KATNIP: variants seen among roughly 807,000 people sequenced by gnomAD.
KATNIP encodes the protein katanin-interacting protein.
A neutral mutation model predicts 174.0 loss-of-function variants in KATNIP; 126 were observed. That is an observed-to-expected ratio of 0.72 (90% confidence interval 0.63 to 0.84). KATNIP has a LOEUF of 0.84. Among genes scored for constraint, KATNIP ranks in the 40% least tolerant of loss-of-function variants. KATNIP has a pLI of 0.00. For synonymous variants in KATNIP, 810 were observed against 835.7 expected, an observed-to-expected ratio of 0.97 and a Z score of 0.53; for missense variants, 1,958 against 2,109.7, an observed-to-expected ratio of 0.93 and a Z score of 1.41.
chr16:27,638,452 T>G (rs911071467), intron 5 of KATNIP, among the ~76,000 whole-genome samples: 11 of 152,132 alleles, frequency 7.2e-5, no homozygotes, highest in Non-Finnish European at 1.6e-4. Context: ...GTCCATGGGA[T>G]GGAGAGGAAG....
At chr16:27,764,065 C>T (rs1473343892) in intron 19 of KATNIP, among the ~76,000 whole-genome samples, 1 of 152,098 alleles carries the variant, frequency 6.6e-6, no homozygotes, top group Non-Finnish European at 1.5e-5. Flanking sequence ...CTGGCGAAGT[C>T]CATTAATTCA....
rs114821043 is a variant in KATNIP, at chr16:27,646,890, C to T, written c.409-1714C>T. ...TCCTCCAGATGTTGCTTTCCTCCCCCCAGCACCAGTCAGCTCACTCCCACC... is the reference window on the plus strand; with the variant it reads ...TCCTCCAGATGTTGCTTTCCTCCCCTCAGCACCAGTCAGCTCACTCCCACC... On this transcript the variant is annotated intron_variant, in intron 5 of 27. Coordinates refer to ENST00000261588, the MANE Select transcript of KATNIP (RefSeq NM_015202.5). 2.1e-3 allele frequency among the ~76,000 whole-genome samples: 323 copies of T among 152,334 alleles called. 1 individual carries two copies. The highest frequency in any genetic ancestry group is 7.4e-3 in the African/African-American group (308 of 41,568).
intron 7 of KATNIP, 95 bp downstream of exon 7, chr16:27,678,091 G>A: frequency 7.1e-7 from 1 of 1,403,302 alleles, no homozygotes. Flanking sequence ...GTTCCTCTTT[G>A]GGTAGAGTGT....
intron 1 of KATNIP, among the ~76,000 whole-genome samples, chr16:27,559,748 A>T (rs953805817): frequency 6.6e-6 from 1 of 151,884 alleles, no homozygotes; most frequent in Non-Finnish European, 1.5e-5. Flanking sequence ...TGGGAGGCCG[A>T]GGCAGGCGGA....
chr16:27,574,011 G>A, intron 2 of KATNIP, 55 bp downstream of exon 2: 1 of 1,513,342 alleles, frequency 6.6e-7, no homozygotes. Context: ...GAAAGGACCT[G>A]AGGGAGCAGG....
intron 14 of KATNIP, among the ~76,000 whole-genome samples, chr16:27,722,084 T>C (rs1161358254): frequency 6.6e-6 from 1 of 152,200 alleles, no homozygotes; most frequent in Non-Finnish European, 1.5e-5. Context: ...ACTTCTCAAA[T>C]GTTAACTTGC....
rs531214057 is a variant in KATNIP at position 27,618,771 on chromosome 16, C to T, written c.140+270C>T. Among the ~76,000 whole-genome samples, 22 of 152,220 alleles carry T rather than the reference C, an allele frequency of 1.4e-4. No individual in the cohort carries two copies. The South Asian group carries it at 4.4e-3, about 30-fold the overall frequency. ...CTATTCTGGGAGAAGATAAGGTTGT[C>T]AAAAAAGGCTTGGATTTGGCAGGGC... On this transcript the variant is annotated intron_variant, in intron 3 of 27. Transcript: ENST00000261588.
intron 18 of KATNIP, chr16:27,757,655 G>C: frequency 3.1e-6 from 1 of 324,924 alleles, no homozygotes; most frequent in Non-Finnish European, 4.4e-6. Flanking sequence ...AGGCAGAAGA[G>C]CCTCTCAACC....
rs1357167792 is a variant in KATNIP, at chr16:27,661,965, T to C, written c.540+13230T>C. Among the ~76,000 whole-genome samples the C allele has an allele frequency of 4.0e-4, 9 of 22,606 alleles. 1 individual carries two copies. Among genetic ancestry groups the C allele is most frequent in the African/African-American group, 1.3e-3 (7 of 5,358 alleles). 14.8% of individuals were successfully genotyped at this position (22,606 alleles called of 152,430 possible). ...ATATATATATATATATACACATACATATATATATATATATATATATACACA... is the reference window on the plus strand; with the variant it reads ...ATATATATATATATATACACATACACATATATATATATATATATATACACA... On this transcript the variant is annotated intron_variant, in intron 6 of 27. Coordinates refer to ENST00000261588, the MANE Select transcript of KATNIP (RefSeq NM_015202.5).
At chr16:27,624,909 G>A (rs1446350558) in intron 3 of KATNIP, among the ~76,000 whole-genome samples, 3 of 152,168 alleles carry the variant, frequency 2.0e-5, no homozygotes, top group Admixed American at 2.0e-4. Context: ...CCAGTGCGGG[G>A]GAAGAAGAAT....
intron 8 of KATNIP, among the ~76,000 whole-genome samples, chr16:27,691,658 A>G (rs1444596674): frequency 6.6e-6 from 1 of 152,346 alleles, no homozygotes; most frequent in Non-Finnish European, 1.5e-5. Flanking sequence ...GGATGGGAAA[A>G]GCTCTGGTAG....
At chr16:27,632,496 G>C in intron 5 of KATNIP, 1 of 412,076 alleles carries the variant, frequency 2.4e-6, no homozygotes, top group South Asian at 1.6e-5. Flanking sequence ...GGCGGCATTA[G>C]CAGGATCTGA....
intron 15 of KATNIP, among the ~76,000 whole-genome samples, chr16:27,744,259 C>T (rs367882732): frequency 1.3e-5 from 2 of 152,112 alleles, no homozygotes; most frequent in East Asian, 3.9e-4. Context: ...GGTGCACTGT[C>T]TCACACCTGT....
intron 6 of KATNIP, among the ~76,000 whole-genome samples, chr16:27,672,193 G>C (rs367578208): frequency 6.6e-6 from 1 of 152,140 alleles, no homozygotes; most frequent in Admixed American, 6.6e-5. Context: ...CCTGTCCCCC[G>C]TGACTGCTGC....
intron 8 of KATNIP, among the ~76,000 whole-genome samples, chr16:27,690,315 C>CACATAGATAGAT (rs1555473958): frequency 4.7e-5 from 6 of 128,658 alleles, no homozygotes; most frequent in Non-Finnish European, 9.9e-5. Context: ...GACCCCATCT[C>CACATAGATAGAT]AGATAGATAG....
chr16:27,552,657 G>A (rs2089435219), intron 1 of KATNIP, among the ~76,000 whole-genome samples: 1 of 147,328 alleles, frequency 6.8e-6, no homozygotes, highest in Admixed American at 6.8e-5. Flanking sequence ...TTACAGACGT[G>A]AGCCACCATG....
intron 5 of KATNIP, chr16:27,644,623 G>C (rs1431860749): frequency 6.6e-6 from 1 of 152,026 alleles, no homozygotes; most frequent in East Asian, 1.9e-4. Context: ...CTCTTGCCTT[G>C]CCCTCCCAAG....
At chr16:27,698,641 T>C in intron 9 of KATNIP, 141 bp downstream of exon 9, 1 of 812,322 alleles carries the variant, frequency 1.2e-6, no homozygotes, top group Non-Finnish European at 1.8e-6. Flanking sequence ...GTTTCCACTG[T>C]TCAGACAGTC....
chr16:27,671,050 A>G (rs1328885137), intron 6 of KATNIP, among the ~76,000 whole-genome samples: 2 of 152,060 alleles, frequency 1.3e-5, no homozygotes, highest in Non-Finnish European at 2.9e-5. Context: ...AAAATTACTC[A>G]GGCATGGTGG....
Sources: gnomAD v4.1 joint callset for allele counts (sites outside exome capture counted in the v4.1 genomes callset) on GRCh38, gnomAD v4.1.1 for gene constraint, MANE v1.5 for transcripts, NCBI Gene and HGNC (gene_info 2026-07-23, HGNC 2026-07-21) for gene names.